GADL1: variants seen among roughly 807,000 people sequenced by gnomAD.
GADL1 encodes GAD like acidic amino acid decarboxylase 1.
In GADL1, 71 loss-of-function variants were observed where a neutral mutation model predicts 69.5. That is an observed-to-expected ratio of 1.02 (90% CI 0.84 to 1.25). GADL1 has a LOEUF of 1.25. Ranked by LOEUF, GADL1 falls within the 50% of genes most tolerant of loss-of-function variation. The probability of loss-of-function intolerance (pLI) is 0.00; values close to 1 mark genes in which losing one functional copy is unlikely to be tolerated. For synonymous variants in GADL1, 254 were observed against 214.4 expected (o/e 1.18, Z -1.62); for missense variants, 737 against 631.8 (o/e 1.17, Z -1.79).
rs903051217 is a variant in GADL1, at chr3:30,733,592, C to A, written c.1393-5177G>T. 3.2e-5 allele frequency among the ~76,000 whole-genome samples: 4 copies of A among 126,630 alleles called. No homozygotes were observed. In the East Asian group the frequency reaches 6.5e-4, roughly 21 times the overall value. The allele number at this position is 126,630 out of a possible 152,430, so 83.1% of individuals were successfully genotyped here. A position where few individuals can be genotyped will look rare whatever the true frequency, so the allele number is the denominator to read the frequency against. On this transcript the variant is annotated intron_variant, in intron 14 of 14. Coordinates refer to ENST00000282538, the MANE Select transcript of GADL1 (RefSeq NM_207359.3). ...TTTCTTTTCTTTTCCTTTTCTCCTTCCTTCCTTCCTTCCTTCCTTCCTTCC... is the reference window on the plus strand; with the variant it reads ...TTTCTTTTCTTTTCCTTTTCTCCTTACTTCCTTCCTTCCTTCCTTCCTTCC...
chr3:30,797,381 G>A (rs1461984792), intron 12 of GADL1, among the ~76,000 whole-genome samples: 1 of 152,094 alleles, frequency 6.6e-6, no homozygotes, highest in Non-Finnish European at 1.5e-5. Context: ...TCTCTAAGAA[G>A]GTCCTACATG....
chr3:30,777,345 G>A (rs576686411), intron 14 of GADL1, among the ~76,000 whole-genome samples: 13 of 152,290 alleles, frequency 8.5e-5, no homozygotes, highest in Admixed American at 5.2e-4. Flanking sequence ...GTGCTGACTT[G>A]ATCCCACTCA....
chr3:30,780,915 T>G, intron 13 of GADL1, among the ~76,000 whole-genome samples: 1 of 152,208 alleles, frequency 6.6e-6, no homozygotes, highest in Non-Finnish European at 1.5e-5. Flanking sequence ...TATTTGACTT[T>G]TTCCTGTCTC....
intron 11 of GADL1, among the ~76,000 whole-genome samples, chr3:30,815,113 C>T (rs531073492): frequency 6.6e-6 from 1 of 152,120 alleles, no homozygotes; most frequent in East Asian, 1.9e-4. Context: ...ACATTTTACA[C>T]AATTCCCATA....
chr3:30,805,894 A>T (rs1353739178), intron 11 of GADL1, among the ~76,000 whole-genome samples: 2 of 151,792 alleles, frequency 1.3e-5, no homozygotes, highest in African/African-American at 4.9e-5. Context: ...CGTGACCTAG[A>T]TCCCTCTTAC....
chr3:30,807,415 TAAAGC>T (rs906577786), intron 11 of GADL1, among the ~76,000 whole-genome samples: 5 of 152,212 alleles, frequency 3.3e-5, no homozygotes, highest in Admixed American at 1.3e-4. Flanking sequence ...CAAGAAATCT[TAAAGC>T]AATAGGAAGT....
At chr3:30,819,739 T>A (rs959146205) in intron 11 of GADL1, among the ~76,000 whole-genome samples, 9 of 151,902 alleles carry the variant, frequency 5.9e-5, no homozygotes, top group Non-Finnish European at 8.8e-5. Context: ...TTGGAAAAAA[T>A]TTTAATTAAA....
At chr3:30,877,585 C>T (rs2125543603) in intron 1 of GADL1, among the ~76,000 whole-genome samples, 1 of 151,890 alleles carries the variant, frequency 6.6e-6, no homozygotes, top group African/African-American at 2.4e-5. Context: ...TATTTTTCGG[C>T]CCACATAGCA....
intron 12 of GADL1, among the ~76,000 whole-genome samples, chr3:30,792,456 C>CCAG (rs759612813): frequency 6.6e-6 from 1 of 152,000 alleles, no homozygotes; most frequent in Non-Finnish European, 1.5e-5. Context: ...ATCCGTGGTC[C>CCAG]CAGCTACTCA....
chr3:30,844,086 C>T, intron 8 of GADL1, 124 bp downstream of exon 8: 2 of 719,304 alleles, frequency 2.8e-6, no homozygotes, highest in Non-Finnish European at 4.8e-6. Flanking sequence ...TCTCCTCTCT[C>T]CCACACATAG....
chr3:30,871,042 A>AGTGTGTGTGTGTGTGTGTGTGTGT (rs4016178), intron 1 of GADL1, among the ~76,000 whole-genome samples: 17 of 141,378 alleles, frequency 1.2e-4, no homozygotes, highest in Non-Finnish European at 3.1e-5. Context: ...AAGGCAGAAA[A>AGTGTGTGTGTGTGTGTGTGTGTGT]GTGTGTGTGT....
chr3:30,752,319 C>T lies in GADL1; in HGVS notation c.1393-23904G>A, dbSNP rs564486196. Among the ~76,000 whole-genome samples, 4 of 142,308 alleles carry T rather than the reference C, an allele frequency of 2.8e-5. No individual in the cohort carries two copies. In the South Asian group the frequency reaches 8.9e-4, roughly 32 times the overall value. 93.4% of individuals were successfully genotyped at this position (142,308 alleles called of 152,430 possible). ...CTTTCATTTCAGGCGTTGTAGGGGCCTATCTCTCTTGCTGACAGTTACGGG... is the reference window on the plus strand; with the variant it reads ...CTTTCATTTCAGGCGTTGTAGGGGCTTATCTCTCTTGCTGACAGTTACGGG... On this transcript the variant is annotated intron_variant, in intron 14 of 14. Coordinates refer to ENST00000282538, the MANE Select transcript of GADL1 (RefSeq NM_207359.3).
At chr3:30,736,570 A>G (rs1188349905) in intron 14 of GADL1, among the ~76,000 whole-genome samples, 3 of 152,168 alleles carry the variant, frequency 2.0e-5, no homozygotes, top group Non-Finnish European at 4.4e-5. Flanking sequence ...CTCTTGAGAC[A>G]TGAACATTTG....
chr3:30,808,098 A>T (rs1299679086), intron 11 of GADL1, among the ~76,000 whole-genome samples: 1 of 152,126 alleles, frequency 6.6e-6, no homozygotes, highest in Non-Finnish European at 1.5e-5. Context: ...AGGTCAGTGT[A>T]TTAGGTTGGG....
At chr3:30,795,697 A>G (rs543489975) in intron 12 of GADL1, among the ~76,000 whole-genome samples, 2 of 152,196 alleles carry the variant, frequency 1.3e-5, no homozygotes, top group African/African-American at 4.8e-5. Flanking sequence ...CTAATTTACT[A>G]TAAATCTTAA....
chr3:30,864,397 C>T (rs1172169022), intron 1 of GADL1, among the ~76,000 whole-genome samples: 2 of 150,560 alleles, frequency 1.3e-5, no homozygotes, highest in Non-Finnish European at 3.0e-5. Context: ...TACACACACA[C>T]GATAAAATAA....
At chr3:30,744,901 A>C (rs925449129) in intron 14 of GADL1, among the ~76,000 whole-genome samples, 2 of 152,190 alleles carry the variant, frequency 1.3e-5, no homozygotes, top group Non-Finnish European at 2.9e-5. Context: ...CTGTAGGCTG[A>C]CCCTTGTTGT....
chr3:30,855,746 G>A (rs773083198), intron 3 of GADL1, among the ~76,000 whole-genome samples: 2 of 151,920 alleles, frequency 1.3e-5, no homozygotes, highest in Non-Finnish European at 2.9e-5. Context: ...AGAGGCAGGA[G>A]GTCTATTTCT....
Position 30,857,055 on chromosome 3 carries a change from C to G in GADL1, c.297G>C (p.Leu99Phe). 3 of 1,549,826 alleles carry G rather than the reference C, an allele frequency of 1.9e-6. No homozygotes were observed. The highest frequency in any genetic ancestry group is 2.6e-6 in the Non-Finnish European group (3 of 1,145,612). The change falls in exon 3 of 15, where the codon TTG becomes TTC. Residue 99 changes from leucine to phenylalanine, a missense_variant. Leu to Phe is a conservative substitution (Grantham distance 22, BLOSUM62 0). Coordinates refer to ENST00000282538, the MANE Select transcript of GADL1 (RefSeq NM_207359.3). ...RDSGEPPHKL[L>F]ELCRDVIHYS... The stretch of plus-strand genomic sequence containing the variant: ...AGTGTATGACATCCCGACAGAGTTC[C>G]AATAGTTTATGGGGTGGCTCGCCTG...
Sources: gnomAD v4.1 joint callset for allele counts (sites outside exome capture counted in the v4.1 genomes callset) on GRCh38, gnomAD v4.1.1 for gene constraint, MANE v1.5 for transcripts, NCBI Gene and HGNC (gene_info 2026-07-23, HGNC 2026-07-21) for gene names.